Variants in NAV1 observed in about 807,000 individuals in gnomAD.
NAV1 encodes neuron navigator 1.
Under a neutral mutation model 175.2 loss-of-function variants are expected in NAV1, and 18 were observed. The ratio of observed to expected loss-of-function variants is 0.10; its 90% CI spans 0.07 to 0.15. NAV1 has a LOEUF of 0.15. NAV1 is among the 10% of genes least tolerant of loss of function. NAV1 has a pLI of 1.00. For synonymous variants in NAV1, 897 were observed against 978.7 expected (o/e 0.92, Z 1.56); for missense variants, 1,731 against 2,436.6 (o/e 0.71, Z 6.10).
chr1:201,629,551 C>T (rs1159198900), intron 2 of NAV1, 44 bp downstream of exon 4: 97 of 1,257,020 alleles, frequency 7.7e-5, no homozygotes, highest in Non-Finnish European at 1.0e-4. Context: ...CGGGAGGCCA[C>T]TGTGCTAGAG....
intron 1 of NAV1, among the ~76,000 whole-genome samples, chr1:201,687,198 A>G (rs1670718238): frequency 6.6e-6 from 1 of 152,202 alleles, no homozygotes. Flanking sequence ...AATATATTTC[A>G]CTGATTGCAT....
intron 3 of NAV1, among the ~76,000 whole-genome samples, chr1:201,727,817 A>C (rs1672673505): frequency 6.6e-6 from 1 of 152,330 alleles, no homozygotes; most frequent in East Asian, 1.9e-4. Context: ...AAGGGCAAGG[A>C]AGCATGGGTA....
intron 3 of NAV1, chr1:201,733,482 ATC>A (rs1284930649): frequency 2.0e-5 from 3 of 152,232 alleles, no homozygotes; most frequent in African/African-American, 7.2e-5. Context: ...TGACACCCAA[ATC>A]TGTGAAGCCT....
chr1:201,695,834 T>C (rs1273301115), intron 1 of NAV1, among the ~76,000 whole-genome samples: 1 of 152,210 alleles, frequency 6.6e-6, no homozygotes. Context: ...GACCCCACCC[T>C]GCCACCACCC....
chr1:201,756,606 C>T (rs1674477709), intron 3 of NAV1, among the ~76,000 whole-genome samples: 1 of 152,162 alleles, frequency 6.6e-6, no homozygotes, highest in African/African-American at 2.4e-5. Flanking sequence ...ATCCCTACTT[C>T]CTTGCTGCCT....
intron 1 of NAV1, among the ~76,000 whole-genome samples, chr1:201,699,294 T>C (rs563169396): frequency 0.019 from 2,826 of 151,694 alleles, 70 homozygotes; most frequent in African/African-American, 0.065. Context: ...TATACACCAA[T>C]AACAGACAAA....
chr1:201,621,049 T>C (rs535478891), upstream of NAV1, among the ~76,000 whole-genome samples: 2 of 151,990 alleles, frequency 1.3e-5, no homozygotes, highest in South Asian at 4.2e-4. Flanking sequence ...GCCTCCCAAG[T>C]AGTGGGACTA....
At chr1:201,613,142 C>T (rs1022501501) in intron 2 of NAV1, among the ~76,000 whole-genome samples, 2 of 152,094 alleles carry the variant, frequency 1.3e-5, no homozygotes, top group Non-Finnish European at 2.9e-5. Context: ...GAACAGGTTG[C>T]ATCTAAGTCA....
At chr1:201,737,938 C>G (rs1310246635) in intron 3 of NAV1, among the ~76,000 whole-genome samples, 1 of 152,188 alleles carries the variant, frequency 6.6e-6, no homozygotes, top group Non-Finnish European at 1.5e-5. Context: ...AGCTCCAGCA[C>G]AGCTGCGTGG....
intron 1 of NAV1, among the ~76,000 whole-genome samples, chr1:201,542,645 A>C (rs1417473763): frequency 6.6e-6 from 1 of 152,146 alleles, no homozygotes; most frequent in African/African-American, 2.4e-5. Context: ...GCTGAGACCC[A>C]GGCCACTCTG....
chr1:201,620,453 C>T (rs929582377), upstream of NAV1, among the ~76,000 whole-genome samples: 4 of 94,530 alleles, frequency 4.2e-5, no homozygotes, highest in Admixed American at 1.2e-4. Flanking sequence ...GACATATACT[C>T]TTTTTTTTTT....
rs1189177205 is a variant in NAV1, at chr1:201,803,537, G to T, written c.3518-56G>T. 3 of 1,564,828 alleles carry T rather than the reference G, an allele frequency of 1.9e-6. No individual in the cohort carries two copies. The African/African-American group carries it at 4.1e-5, about 21-fold the overall frequency. On this transcript the variant is annotated intron_variant, in intron 15 of 29. Transcript: ENST00000367296. The stretch of plus-strand genomic sequence containing the variant: ...TCTTCTGCCACTAGACTTGCCTGAA[G>T]TCTCACATCCTCTCTAAATCTGTTC...
At chr1:201,560,899 A>G (rs1173125790) in intron 1 of NAV1, among the ~76,000 whole-genome samples, 1 of 152,218 alleles carries the variant, frequency 6.6e-6, no homozygotes, top group East Asian at 1.9e-4. Flanking sequence ...GGGTGCCACA[A>G]AGCAGACAGT....
chr1:201,818,664 G>T (rs1436486288), intron 29 of NAV1, among the ~76,000 whole-genome samples: 1 of 152,132 alleles, frequency 6.6e-6, no homozygotes, highest in Non-Finnish European at 1.5e-5. Context: ...ACTTCACATT[G>T]GCAAAAGTAG....
At chr1:201,811,858 G>A in intron 25 of NAV1, 45 bp from the exon 30 acceptor site, 1 of 1,613,100 alleles carries the variant, frequency 6.2e-7, no homozygotes, top group Non-Finnish European at 8.5e-7. Flanking sequence ...GAAAGCAAGT[G>A]TGAAGGCAAG....
rs1481304388 is a variant in NAV1, at chr1:201,782,206, G to T, written c.1694G>T (p.Gly565Val). The T allele has an allele frequency of 1.2e-6, 2 of 1,607,554 alleles. No homozygotes were observed. The highest frequency in any genetic ancestry group is 2.7e-5 in the African/African-American group (2 of 74,664). Residue 565 changes from glycine to valine, a missense_variant, in exon 6 of 30, where the codon GGT (glycine) becomes GTT (valine). Physicochemically the swap from Gly to Val is moderately radical, Grantham distance 109 (BLOSUM62 -3). Around this residue, in one of 13 missense-constraint regions of NAV1, gnomAD observed 634 missense variants for 766.8 expected, o/e 0.83. Coordinates refer to ENST00000367296, the Ensembl canonical transcript of NAV1. The surrounding 1 kb of genome is among the most constrained non-coding windows in gnomAD (Gnocchi z 5.4). The stretch of plus-strand genomic sequence containing the variant: ...CCTGAGGGCAAAGCTACAGACAAGG[G>T]TAAGCTTGCAGTGAAGAATACTGGG...
At chr1:201,820,367 G>C (rs994486802) in exon 30 of NAV1, 1 of 154,272 alleles carries the variant, frequency 6.5e-6, no homozygotes, top group African/African-American at 2.4e-5. Context: ...AAGCTCCTCA[G>C]ATTTTCTCAC....
chr1:201,677,795 T>C (rs1670312528), intron 1 of NAV1, among the ~76,000 whole-genome samples: 3 of 152,058 alleles, frequency 2.0e-5, no homozygotes, highest in Admixed American at 2.0e-4. Context: ...GCCTGGCTAA[T>C]TTTTTTTATT....
At chr1:201,809,522 T>C (rs751034995) in exon 22 of NAV1, 1 of 1,614,032 alleles carries the variant, frequency 6.2e-7, no homozygotes, top group South Asian at 1.1e-5. Context: ...ATGAAGCTGT[T>C]TTCCAAGTGT....
Sources: gnomAD v4.1 joint callset for allele counts (sites outside exome capture counted in the v4.1 genomes callset) on GRCh38, gnomAD v4.1.1 for gene constraint, gnomAD v4.1.1 regional missense constraint, Gnocchi (gnomAD v3.1) non-coding constraint, MANE v1.5 for transcripts, NCBI Gene and HGNC (gene_info 2026-07-23, HGNC 2026-07-21) for gene names.